The following LINGO2 variants were observed in gnomAD, a reference collection of about 807,000 sequenced individuals.
The protein encoded by LINGO2 is leucine rich repeat and Ig domain containing 2, also known as leucine-rich repeat and immunoglobulin-like domain-containing nogo receptor-interacting protein 2.
LINGO2 carries 14 observed loss-of-function variants against 30.6 expected under a neutral mutation model. That is an observed-to-expected ratio of 0.46 (90% CI 0.30 to 0.72). The LOEUF (loss-of-function observed/expected upper bound fraction) is 0.72. Ranked by LOEUF, LINGO2 falls within the 30% of genes least tolerant of loss-of-function variation. The pLI is 0.07. For missense variants in LINGO2, 729 were observed against 751.7 expected (o/e 0.97, Z 0.35); for synonymous variants, 317 against 288.5 (o/e 1.10, Z -1.00).
intron 3 of LINGO2, among the ~76,000 whole-genome samples, chr9:28,325,736 T>C (rs142403006): frequency 1.2e-4 from 19 of 152,270 alleles, no homozygotes; most frequent in Admixed American, 1.0e-3. Context: ...AAACCTCTTT[T>C]TCTTTATAAA....
At chr9:27,966,779 C>G (rs887652928) in intron 5 of LINGO2, among the ~76,000 whole-genome samples, 1 of 151,998 alleles carries the variant, frequency 6.6e-6, no homozygotes, top group Non-Finnish European at 1.5e-5. Context: ...AACTTTGGGT[C>G]AAAGAAAGTT....
chr9:29,125,333 G>A, the LINGO2 span, among the ~76,000 whole-genome samples: 38 of 152,070 alleles, frequency 2.5e-4, no homozygotes, highest in African/African-American at 6.0e-4. Flanking sequence ...CCTAGATGAC[G>A]TGTTGATAGG....
In LINGO2 at chr9:28,591,720, G is replaced by T. The variant is rs988278965; in HGVS notation, c.-365+78480C>A. 3.3e-5 allele frequency among the ~76,000 whole-genome samples: 5 copies of T among 151,968 alleles called. 1 individual carries two copies. The highest frequency in any genetic ancestry group is 1.2e-4 in the African/African-American group (5 of 41,400). On this transcript the variant is annotated intron_variant, in intron 1 of 5. Coordinates refer to ENST00000379992, the Ensembl canonical transcript of LINGO2. Reference sequence around the variant, plus strand: ...GGTGACAGGGACTTGAGAAAGTAATGCAGCAAAAGATTCCAAAGTGGCAAG... The same window carrying T: ...GGTGACAGGGACTTGAGAAAGTAATTCAGCAAAAGATTCCAAAGTGGCAAG...
chr9:28,248,562 G>A (rs532644633), intron 4 of LINGO2, among the ~76,000 whole-genome samples: 61 of 152,234 alleles, frequency 4.0e-4, no homozygotes, highest in African/African-American at 1.3e-3. Context: ...TAGCACATCA[G>A]GGGGACTGTA....
chr9:29,136,291 T>C, the LINGO2 span, among the ~76,000 whole-genome samples: 1 of 152,162 alleles, frequency 6.6e-6, no homozygotes, highest in Admixed American at 6.6e-5. Context: ...TTCCCTAATC[T>C]CATAAACTTA....
At chr9:28,417,825 C>T (rs1823027693) in intron 2 of LINGO2, among the ~76,000 whole-genome samples, 1 of 152,160 alleles carries the variant, frequency 6.6e-6, no homozygotes, top group Non-Finnish European at 1.5e-5. Flanking sequence ...AAAGTAAAGA[C>T]TCAGTTGTAT....
intron 2 of LINGO2, among the ~76,000 whole-genome samples, chr9:28,463,814 T>C (rs937321712): frequency 6.6e-6 from 1 of 152,148 alleles, no homozygotes; most frequent in African/African-American, 2.4e-5. Flanking sequence ...GCTGTTTTAA[T>C]TGAGTGCATT....
the LINGO2 span, among the ~76,000 whole-genome samples, chr9:29,186,468 C>T: frequency 6.6e-6 from 1 of 152,000 alleles, no homozygotes; most frequent in African/African-American, 2.4e-5. Flanking sequence ...CCTTCTCACC[C>T]TTGCCAAACT....
the LINGO2 span, among the ~76,000 whole-genome samples, chr9:28,847,486 G>A: frequency 2.7e-5 from 4 of 146,688 alleles, 1 homozygote; most frequent in Non-Finnish European, 6.0e-5. Context: ...TCATCTGTCT[G>A]TTATGATCAT....
At chr9:28,974,400 T>C in the LINGO2 span, among the ~76,000 whole-genome samples, 1 of 152,144 alleles carries the variant, frequency 6.6e-6, no homozygotes, top group Non-Finnish European at 1.5e-5. Context: ...TGGAAGACTC[T>C]GTCTCAAAAA....
At chr9:28,215,978 T>C (rs1820753327) in intron 4 of LINGO2, among the ~76,000 whole-genome samples, 1 of 151,778 alleles carries the variant, frequency 6.6e-6, no homozygotes, top group South Asian at 2.1e-4. Flanking sequence ...GAGTTTTAAA[T>C]TGCCCATAAA....
At chr9:28,598,435 C>T (rs72715213) in intron 1 of LINGO2, among the ~76,000 whole-genome samples, 2 of 108,476 alleles carry the variant, frequency 1.8e-5, no homozygotes, top group Non-Finnish European at 4.3e-5. Flanking sequence ...AAAAAAAAAA[C>T]AAAACAAACA....
At chr9:28,199,487 C>T (rs1304921219) in intron 4 of LINGO2, among the ~76,000 whole-genome samples, 9 of 151,910 alleles carry the variant, frequency 5.9e-5, no homozygotes, top group Admixed American at 3.3e-4. Context: ...TACAGGCGCC[C>T]GCCACCACGC....
chr9:28,625,469 T>C (rs77099173), intron 1 of LINGO2, among the ~76,000 whole-genome samples: 3,604 of 152,198 alleles, frequency 0.024, 128 homozygotes, highest in African/African-American at 0.075. Flanking sequence ...TGATTTTTGG[T>C]TGCTATGATG....
At chr9:28,606,503 T>C (rs118120291) in intron 1 of LINGO2, among the ~76,000 whole-genome samples, 3,556 of 152,142 alleles carry the variant, frequency 0.023, 67 homozygotes, top group Non-Finnish European at 0.038. Context: ...TTTTACACTT[T>C]TTAACTATGC....
chr9:28,584,298 C>A (rs1824417756), intron 1 of LINGO2, among the ~76,000 whole-genome samples: 1 of 152,034 alleles, frequency 6.6e-6, no homozygotes, highest in Admixed American at 6.6e-5. Context: ...CTTTCACATT[C>A]AAAAACCTGT....
At chr9:28,457,365 T>C (rs1192897537) in intron 2 of LINGO2, among the ~76,000 whole-genome samples, 3 of 152,310 alleles carry the variant, frequency 2.0e-5, no homozygotes, top group African/African-American at 7.2e-5. Flanking sequence ...GACTAAACTA[T>C]ATTCCATAAC....
chr9:28,575,544 C>T lies in LINGO2; in HGVS notation c.-365+94656G>A, dbSNP rs1303957342. 2.6e-5 allele frequency among the ~76,000 whole-genome samples: 4 copies of T among 152,016 alleles called. No homozygotes were observed. The South Asian group carries it at 6.2e-4, about 24-fold the overall frequency. On this transcript the variant is annotated intron_variant, in intron 1 of 5. Coordinates refer to ENST00000379992, the Ensembl canonical transcript of LINGO2. ...CACAGACATAGACACTGGGGAGTTT[C>T]GAAGAGAGGAGGTGGGGGCAAGGGT... is the stretch of plus-strand genomic sequence containing the variant.
chr9:28,824,046 C>A, the LINGO2 span, among the ~76,000 whole-genome samples: 4 of 152,018 alleles, frequency 2.6e-5, no homozygotes, highest in Non-Finnish European at 4.4e-5. Flanking sequence ...TAAAGCAATT[C>A]CTGAAAAGTT....
Sources: gnomAD v4.1 joint callset for allele counts (sites outside exome capture counted in the v4.1 genomes callset) on GRCh38, gnomAD v4.1.1 for gene constraint, MANE v1.5 for transcripts, NCBI Gene and HGNC (gene_info 2026-07-23, HGNC 2026-07-21) for gene names.